MFSD6: variants seen among roughly 807,000 people sequenced by gnomAD.
MFSD6 encodes major facilitator superfamily domain containing 6, also known as major facilitator superfamily domain-containing protein 6.
MFSD6 carries 26 observed loss-of-function variants against 56.3 expected under a neutral mutation model. That is an observed-to-expected ratio of 0.46 (90% CI 0.34 to 0.64). MFSD6 has a LOEUF of 0.64. Among genes scored for constraint, MFSD6 ranks in the 30% least tolerant of loss-of-function variants. The pLI is 0.01. For missense variants in MFSD6, 750 were observed against 986.2 expected, an observed-to-expected ratio of 0.76 and a Z score of 3.21; for synonymous variants, 331 against 366.9, an observed-to-expected ratio of 0.90 and a Z score of 1.12.
rs201939183 is a variant in MFSD6, at chr2:190,469,728, A to T, written c.1533-30A>T. ...AGTTTATTTTCCTTTGCTTTTTTTT[A>T]TTTTATTTTTATTTTTTATTTTTTT... On this transcript the variant is annotated intron_variant, in intron 3 of 7. Transcript: ENST00000392328. This position sits in a 1 kb window ranked among gnomAD's most constrained non-coding sequence, Gnocchi z 5.3. 1 of 1,025,744 alleles carries T rather than the reference A, an allele frequency of 9.7e-7. No individual in the cohort carries two copies. The highest frequency in any genetic ancestry group is 1.3e-6 in the Non-Finnish European group (1 of 788,050). The allele number at this position is 1,025,744 out of a possible 1,614,324, so 63.5% of individuals were successfully genotyped here.
intron 4 of MFSD6, among the ~76,000 whole-genome samples, chr2:190,478,880 G>C (rs945266261): frequency 6.6e-6 from 1 of 151,788 alleles, no homozygotes; most frequent in Non-Finnish European, 1.5e-5. Flanking sequence ...TACCACCCTT[G>C]CTTTATCCCC....
intron 3 of MFSD6, among the ~76,000 whole-genome samples, chr2:190,444,314 A>ATACTCT (rs1371248713): frequency 6.6e-5 from 10 of 152,226 alleles, no homozygotes; most frequent in Non-Finnish European, 1.3e-4. Context: ...ATTCTTGGTC[A>ATACTCT]TGGCCCAGTT....
rs1162159700 is a variant in MFSD6, at chr2:190,443,169, C to T, written c.1532+5608C>T. On this transcript the variant is annotated intron_variant, in intron 3 of 7. Transcript: ENST00000392328. The surrounding 1 kb of genome is among the most constrained non-coding windows in gnomAD (Gnocchi z 4.2). The stretch of plus-strand genomic sequence containing the variant: ...CCCTCTGTGGGTGTTCCTAGGTGGG[C>T]CTAAGACATAAGCAAGGGAGAAAAA... Among the ~76,000 whole-genome samples, 2 of 151,998 alleles carry T rather than the reference C, an allele frequency of 1.3e-5. No individual in the cohort carries two copies. The highest frequency in any genetic ancestry group is 2.9e-5 in the Non-Finnish European group (2 of 68,010).
upstream of MFSD6, chr2:190,408,295 CCTCCGTG>C (rs1421297370): frequency 1.4e-5 from 2 of 145,296 alleles, no homozygotes; most frequent in East Asian, 2.0e-4. Flanking sequence ...CCGCCTCCGT[CCTCCGTG>C]GCCCCACCCG....
chr2:190,409,204 G>A (rs1033876395), intron 1 of MFSD6, among the ~76,000 whole-genome samples: 1 of 152,030 alleles, frequency 6.6e-6, no homozygotes, highest in African/African-American at 2.4e-5. Flanking sequence ...AGTCTTTCTG[G>A]GTCATATTTA....
chr2:190,440,239 A>C (rs1050002823), intron 3 of MFSD6, among the ~76,000 whole-genome samples: 10 of 152,210 alleles, frequency 6.6e-5, no homozygotes, highest in African/African-American at 2.2e-4. Context: ...TAGCATGTCC[A>C]GTTTTGAACT....
At chr2:190,430,772 G>A (rs1216772963) in intron 2 of MFSD6, among the ~76,000 whole-genome samples, 4 of 144,004 alleles carry the variant, frequency 2.8e-5, no homozygotes, top group Admixed American at 7.3e-5. Context: ...TCACTTCCCA[G>A]AAGGGGCGGC....
At chr2:190,419,666 A>C (rs1228309614) in intron 2 of MFSD6, among the ~76,000 whole-genome samples, 1 of 152,250 alleles carries the variant, frequency 6.6e-6, no homozygotes, top group Non-Finnish European at 1.5e-5. Context: ...ATCCATTTTC[A>C]TACTCTCATA....
intron 2 of MFSD6, among the ~76,000 whole-genome samples, chr2:190,432,268 CTG>C (rs771293426): frequency 4.6e-5 from 7 of 152,214 alleles, no homozygotes; most frequent in Non-Finnish European, 8.8e-5. Flanking sequence ...TTGCCAGCCT[CTG>C]GGAACCTCCT....
rs532482925 is a variant in MFSD6 at position 190,474,632 on chromosome 2, G to C, written c.1630+4777G>C. 2.8e-4 allele frequency among the ~76,000 whole-genome samples: 42 copies of C among 152,266 alleles called. No homozygotes were observed. In the Middle Eastern group the frequency reaches 0.014, roughly 49 times the overall value. ...ATGGATTCACAGCTGAATTCGACCA[G>C]AGGTACAAGGAGGAGCTGGTACCAT... On this transcript the variant is annotated intron_variant, in intron 4 of 7. Transcript: ENST00000392328.
In MFSD6 at chr2:190,438,274, G is replaced by C; in HGVS notation, c.1532+713G>C. Among the ~76,000 whole-genome samples, 1 of 151,846 alleles carries C rather than the reference G, an allele frequency of 6.6e-6. No individual in the cohort carries two copies. The highest frequency in any genetic ancestry group is 2.1e-4 in the South Asian group (1 of 4,820). ...TCACACCTGCTAATCCCAGCACTTT[G>C]AGAGGCCGAGGCAGGTGGATCACTT... On this transcript the variant is annotated intron_variant, in intron 3 of 7. Coordinates refer to ENST00000392328, the MANE Select transcript of MFSD6 (RefSeq NM_017694.4). This position sits in a 1 kb window ranked among gnomAD's most constrained non-coding sequence, Gnocchi z 5.2.
At chr2:190,481,276 A>G (rs1380150281) in intron 4 of MFSD6, among the ~76,000 whole-genome samples, 1 of 152,226 alleles carries the variant, frequency 6.6e-6, no homozygotes, top group African/African-American at 2.4e-5. Context: ...TACATCAGTT[A>G]TAGACTTTTT....
rs1180953905 is a variant in MFSD6 at position 190,457,531 on chromosome 2, T to A, written c.1533-12227T>A. On this transcript the variant is annotated intron_variant, in intron 3 of 7. Coordinates refer to ENST00000392328, the MANE Select transcript of MFSD6 (RefSeq NM_017694.4). The surrounding 1 kb of genome is among the most constrained non-coding windows in gnomAD (Gnocchi z 5.1). ...GGATGTGTTTTATGATAGCAGTTGCTGGGATCTACATAGAGAATTTTATTT... is the reference window on the plus strand; with the variant it reads ...GGATGTGTTTTATGATAGCAGTTGCAGGGATCTACATAGAGAATTTTATTT... 6.6e-6 allele frequency among the ~76,000 whole-genome samples: 1 copy of A among 152,196 alleles called. No homozygotes were observed. Among genetic ancestry groups the A allele is most frequent in the Non-Finnish European group, 1.5e-5 (1 of 68,026 alleles).
intron 3 of MFSD6, among the ~76,000 whole-genome samples, chr2:190,466,111 C>A (rs4853712): frequency 3.9e-5 from 6 of 152,030 alleles, no homozygotes; most frequent in Middle Eastern, 3.2e-3. Flanking sequence ...CTTGTGCCTG[C>A]TTGTGTCCTA....
chr2:190,466,280 A>T (rs1432898499), intron 3 of MFSD6, among the ~76,000 whole-genome samples: 1 of 152,232 alleles, frequency 6.6e-6, no homozygotes, highest in South Asian at 2.1e-4. Context: ...GGGGGAACAC[A>T]TGGTTCAGTC....
In MFSD6 at chr2:190,438,980, A is replaced by G. The variant is rs968162711; in HGVS notation, c.1532+1419A>G. On this transcript the variant is annotated intron_variant, in intron 3 of 7. Transcript: ENST00000392328. This position sits in a 1 kb window ranked among gnomAD's most constrained non-coding sequence, Gnocchi z 5.2. ...TTCGATCCCTTTGTTGTCACCACCAAAGTCAGGGACTGTGTGGATATTTCC... is the reference window on the plus strand; with the variant it reads ...TTCGATCCCTTTGTTGTCACCACCAGAGTCAGGGACTGTGTGGATATTTCC... 6.6e-6 allele frequency among the ~76,000 whole-genome samples: 1 copy of G among 152,126 alleles called. No homozygotes were observed. The highest frequency in any genetic ancestry group is 2.4e-5 in the African/African-American group (1 of 41,426).
In MFSD6 at chr2:190,437,241, A is replaced by G. The variant is rs1282059316; in HGVS notation, c.1212A>G (p.Lys404=). 1 of 1,614,154 alleles carries G rather than the reference A, an allele frequency of 6.2e-7. No homozygotes were observed. The highest frequency in any genetic ancestry group is 8.5e-7 in the Non-Finnish European group (1 of 1,180,064). ...TCAAAAACGATGATTCTAAAGGGAA[A>G]GAGGTGGAGATCCCGCAGGTGGAAA... The part of the protein sequence containing the change: ...NHFKNDDSKG[K]EVEIPQVERN... The change falls in exon 3 of 8, where the codon AAA becomes AAG. Residue 404 remains lysine, a synonymous_variant. Coordinates refer to ENST00000392328, the MANE Select transcript of MFSD6 (RefSeq NM_017694.4). The surrounding 1 kb of genome is among the most constrained non-coding windows in gnomAD (Gnocchi z 5.9).
rs180861990 is a variant in MFSD6, at chr2:190,411,721, A to T, written c.-176+3218A>T. 1.1e-3 allele frequency: 1,046 copies of T among 985,474 alleles called. 1 individual carries two copies. The highest frequency in any genetic ancestry group is 2.0e-3 in the Admixed American group (33 of 16,296). The allele number at this position is 985,474 out of a possible 1,614,324, so 61.0% of individuals were successfully genotyped here. On this transcript the variant is annotated intron_variant, in intron 1 of 7. Coordinates refer to ENST00000392328, the MANE Select transcript of MFSD6 (RefSeq NM_017694.4). ...TCAGGAGATCAAAGTGAAAGGTGGC[A>T]TACTGAGAATTGGGGGGCAAAGGGT... is the stretch of plus-strand genomic sequence containing the variant.
Position 190,469,751 on chromosome 2 carries a change from T to TTA in MFSD6, c.1533-6_1533-5insAT. On this transcript the variant is annotated splice_polypyrimidine_tract_variant and splice_region_variant and intron_variant, in intron 3 of 7. Coordinates refer to ENST00000392328, the MANE Select transcript of MFSD6 (RefSeq NM_017694.4). The surrounding 1 kb of genome is among the most constrained non-coding windows in gnomAD (Gnocchi z 5.3). ...TTATTTTATTTTTATTTTTTATTTT[T>TTA]TTTTAGGGTTCTGTACATTGGCCTG... 1.4e-6 allele frequency: 2 copies of TTA among 1,444,542 alleles called. No individual in the cohort carries two copies. Among genetic ancestry groups the TTA allele is most frequent in the Non-Finnish European group, 1.8e-6 (2 of 1,092,392 alleles). The allele number at this position is 1,444,542 out of a possible 1,614,324, so 89.5% of individuals were successfully genotyped here.
Sources: allele counts gnomAD v4.1 joint callset (sites outside exome capture counted in the v4.1 genomes callset), GRCh38; gene constraint gnomAD v4.1.1; non-coding constraint Gnocchi (gnomAD v3.1); transcripts MANE v1.5; gene names NCBI Gene and HGNC (gene_info 2026-07-23, HGNC 2026-07-21).